UBN1: variants seen among roughly 807,000 people sequenced by gnomAD.
The protein encoded by UBN1 is ubinuclein-1.
UBN1 carries 17 observed loss-of-function variants against 108.5 expected under a neutral mutation model. That is an observed-to-expected ratio of 0.16 (90% CI 0.11 to 0.24). The LOEUF is 0.24. Among genes scored for constraint, UBN1 ranks in the 10% least tolerant of loss-of-function variants. UBN1 has a pLI of 1.00. For missense variants in UBN1, 1,595 were observed against 1,394.4 expected, an observed-to-expected ratio of 1.14 and a Z score of -2.29; for synonymous variants, 726 against 564.2, an observed-to-expected ratio of 1.29 and a Z score of -4.07.
chr16:4,873,705 A>G (rs939273294), intron 14 of UBN1, among the ~76,000 whole-genome samples: 1 of 152,202 alleles, frequency 6.6e-6, no homozygotes, highest in Non-Finnish European at 1.5e-5. Context: ...AGCACCAGGG[A>G]TGCAGGAGTG....
Position 4,861,040 on chromosome 16 carries a change from C to G in UBN1, c.1048C>G (p.Pro350Ala). 1 of 1,614,114 alleles carries G rather than the reference C, an allele frequency of 6.2e-7. No homozygotes were observed. The highest frequency in any genetic ancestry group is 1.1e-5 in the South Asian group (1 of 91,084). Reference sequence around the variant, plus strand: ...GGGATTGGACCAGGAATTCAGGCAGCCCTCTTCTCTCCCCGAAGGCCTGCC... The same window carrying G: ...GGGATTGGACCAGGAATTCAGGCAGGCCTCTTCTCTCCCCGAAGGCCTGCC... ...GVGLDQEFRQPSSLPEGLPAP... is the reference protein window; with the variant it reads ...GVGLDQEFRQASSLPEGLPAP... The change falls in exon 7 of 18, where the codon CCC (proline) becomes GCC (alanine). Residue 350 changes from proline (P) to alanine (A), a missense_variant. Pro to Ala is a conservative substitution (Grantham distance 27). This residue lies in a region of UBN1 where 1,398 missense variants were observed against 1,194.7 expected (regional missense o/e 1.17). Coordinates refer to ENST00000262376, the MANE Select transcript of UBN1 (RefSeq NM_001079514.3).
chr16:4,857,450 T>C (rs1178626972), intron 2 of UBN1, among the ~76,000 whole-genome samples: 1 of 151,874 alleles, frequency 6.6e-6, no homozygotes, highest in Non-Finnish European at 1.5e-5. Flanking sequence ...AATAAGCTTA[T>C]AAAATGGAAA....
At chr16:4,850,538 A>G (rs780015921) in intron 1 of UBN1, among the ~76,000 whole-genome samples, 5 of 152,162 alleles carry the variant, frequency 3.3e-5, no homozygotes, top group Non-Finnish European at 5.9e-5. Context: ...CGCATCACAA[A>G]TATCCTGAGG....
intron 11 of UBN1, 27 bp from the exon 12 acceptor site, chr16:4,871,128 A>C (rs1164354805): frequency 6.2e-7 from 1 of 1,613,034 alleles, no homozygotes; most frequent in African/African-American, 1.3e-5. Flanking sequence ...AGTAGTTTGG[A>C]GTTTCTGATT....
At chr16:4,858,949 C>T in intron 4 of UBN1, 76 bp from the exon 5 acceptor site, 1 of 1,554,460 alleles carries the variant, frequency 6.4e-7, no homozygotes, top group Non-Finnish European at 8.7e-7. Context: ...ACAGTCACAT[C>T]TCTCTCGAGA....
At chr16:4,861,784 A>G (rs2087076862) in intron 7 of UBN1, among the ~76,000 whole-genome samples, 1 of 152,214 alleles carries the variant, frequency 6.6e-6, no homozygotes, top group Admixed American at 6.5e-5. Flanking sequence ...TCTACTAAAA[A>G]TACAAAAAAT....
chr16:4,870,840 G>A lies in UBN1; in HGVS notation c.1431-4G>A, dbSNP rs114218200. 1,771 of 1,613,698 alleles carry A rather than the reference G, an allele frequency of 1.1e-3. 20 individuals carry two copies. The African/African-American group carries it at 0.02, about 18-fold the overall frequency. On this transcript the variant is annotated splice_region_variant and splice_polypyrimidine_tract_variant and intron_variant, in intron 10 of 17. Coordinates refer to ENST00000262376, the MANE Select transcript of UBN1 (RefSeq NM_001079514.3). ...GGCCCCATGTAATTCTATTCACCCC[G>A]TAGGATGCTGGAAGAGGAGAAAGAC... is the stretch of plus-strand genomic sequence containing the variant.
At chr16:4,878,158 G>C (rs2087969761) in intron 17 of UBN1, among the ~76,000 whole-genome samples, 2 of 152,156 alleles carry the variant, frequency 1.3e-5, no homozygotes, top group Non-Finnish European at 1.5e-5. Flanking sequence ...GGTGCCCCGG[G>C]TTGGTACCTT....
chr16:4,872,062 A>T lies in UBN1; in HGVS notation c.1706+761A>T, dbSNP rs958746263. The T allele has an allele frequency of 3.1e-5, 13 of 424,304 alleles. No individual in the cohort carries two copies. The East Asian group carries it at 1.9e-3, about 61-fold the overall frequency. 26.3% of individuals were successfully genotyped at this position (424,304 alleles called of 1,614,324 possible). A position where few individuals can be genotyped will look rare whatever the true frequency, so the allele number is the denominator to read the frequency against. On this transcript the variant is annotated intron_variant, in intron 12 of 17. Transcript: ENST00000262376. ...ACCTTGTACGAAGTCACTTCCTGCGAATGAAGTATTTGTGTCATACATGGG... is the reference window on the plus strand; with the variant it reads ...ACCTTGTACGAAGTCACTTCCTGCGTATGAAGTATTTGTGTCATACATGGG...
intron 2 of UBN1, among the ~76,000 whole-genome samples, chr16:4,853,690 T>C (rs2086663092): frequency 6.6e-6 from 1 of 151,956 alleles, no homozygotes; most frequent in African/African-American, 2.4e-5. Flanking sequence ...CCCGAGTACC[T>C]GGGACTGACT....
At chr16:4,857,092 A>T (rs771494421) in intron 2 of UBN1, among the ~76,000 whole-genome samples, 18 of 152,148 alleles carry the variant, frequency 1.2e-4, no homozygotes, top group Admixed American at 2.0e-4. Context: ...CTGTAATCCC[A>T]GCACTTTGGG....
intron 14 of UBN1, 113 bp downstream of exon 14, chr16:4,873,186 G>A: frequency 1.4e-6 from 2 of 1,444,390 alleles, no homozygotes; most frequent in Non-Finnish European, 1.9e-6. Context: ...TCTGGGGACA[G>A]CTGCTCAGGA....
intron 2 of UBN1, among the ~76,000 whole-genome samples, chr16:4,857,317 C>T (rs1326115063): frequency 6.7e-6 from 1 of 148,350 alleles, no homozygotes; most frequent in Non-Finnish European, 1.5e-5. Context: ...TGCCACTGCA[C>T]TGCAGCCTGA....
Position 4,847,695 on chromosome 16 carries a change from G to T in UBN1, c.-555G>T, listed in dbSNP as rs957593044. The T allele has an allele frequency of 5.6e-6, 1 of 178,388 alleles. No individual in the cohort carries two copies. Among genetic ancestry groups the T allele is most frequent in the African/African-American group, 2.4e-5 (1 of 41,768 alleles). 11.1% of individuals were successfully genotyped at this position (178,388 alleles called of 1,614,324 possible). On this transcript the variant is annotated 5_prime_UTR_variant, in exon 1 of 18. Transcript: ENST00000262376. ...CCGGGGCCATTCCCGAGCCCGAGGC[G>T]CTGGTCGGCCCCGTCGCAGCGCCAG...
intron 2 of UBN1, among the ~76,000 whole-genome samples, chr16:4,855,811 C>T (rs1479655691): frequency 3.3e-5 from 5 of 152,040 alleles, no homozygotes; most frequent in South Asian, 2.1e-4. Flanking sequence ...CCCAGCTACT[C>T]GGTAGGCTGA....
chr16:4,861,178 G>C, intron 7 of UBN1, 76 bp downstream of exon 7: 2 of 1,465,768 alleles, frequency 1.4e-6, no homozygotes, highest in Non-Finnish European at 1.8e-6. Context: ...ACTGCGTGAA[G>C]CTTGCCCAGA....
intron 5 of UBN1, among the ~76,000 whole-genome samples, chr16:4,859,431 G>C (rs1482142026): frequency 6.6e-6 from 1 of 152,222 alleles, no homozygotes; most frequent in Non-Finnish European, 1.5e-5. Flanking sequence ...TGGCCTCAGG[G>C]TGGGAAGGCT....
At chr16:4,861,880 T>G (rs2087082389) in intron 7 of UBN1, among the ~76,000 whole-genome samples, 1 of 152,180 alleles carries the variant, frequency 6.6e-6, no homozygotes, top group East Asian at 1.9e-4. Context: ...AGGCGGAGGT[T>G]GTGGTGAGTG....
At position 4,881,762 on chromosome 16, in the gene UBN1, C is replaced by T. The variant is rs1265848333; in HGVS notation, c.*1630C>T. 3 of 152,372 alleles carry T rather than the reference C, an allele frequency of 2.0e-5. No individual in the cohort carries two copies. Among genetic ancestry groups the T allele is most frequent in the African/African-American group, 7.2e-5 (3 of 41,388 alleles). The allele number at this position is 152,372 out of a possible 1,614,324, so 9.4% of individuals were successfully genotyped here. The stretch of plus-strand genomic sequence containing the variant: ...CCTTTGTTATATATATTTTTTGCAA[C>T]TTGGATTTCCAGTTTGTTTACAGAG... On this transcript the variant is annotated 3_prime_UTR_variant, in exon 18 of 18. Transcript: ENST00000262376.
Sources: allele counts gnomAD v4.1 joint callset (sites outside exome capture counted in the v4.1 genomes callset), GRCh38; gene constraint gnomAD v4.1.1; regional missense constraint gnomAD v4.1.1; transcripts MANE v1.5; gene names NCBI Gene and HGNC (gene_info 2026-07-23, HGNC 2026-07-21).